The following SSBP2 variants were observed in gnomAD, a reference collection of about 807,000 sequenced individuals.
SSBP2 encodes the protein single-stranded DNA-binding protein 2.
A neutral mutation model predicts 61.8 loss-of-function variants in SSBP2; 17 were observed. The ratio of observed to expected loss-of-function variants is 0.28; its 90% CI spans 0.19 to 0.41. The LOEUF is 0.41. Ranked by LOEUF, SSBP2 falls within the 10% of genes least tolerant of loss-of-function variation. The pLI is 1.00. For synonymous variants in SSBP2, 139 were observed against 141.3 expected (o/e 0.98, Z 0.12); for missense variants, 310 against 458.7 (o/e 0.68, Z 2.96).
intron 3 of SSBP2, among the ~76,000 whole-genome samples, chr5:81,625,578 A>C (rs757977529): frequency 6.6e-5 from 10 of 152,208 alleles, no homozygotes; most frequent in Non-Finnish European, 1.5e-4. Flanking sequence ...CAAAACTTAC[A>C]AAGTATTGAA....
At chr5:81,739,294 C>T (rs1479775545) in intron 1 of SSBP2, among the ~76,000 whole-genome samples, 1 of 151,936 alleles carries the variant, frequency 6.6e-6, no homozygotes, top group Non-Finnish European at 1.5e-5. Flanking sequence ...CTGCAGTTCA[C>T]CAACTATATC....
chr5:81,467,660 A>C (rs1028984633), intron 8 of SSBP2, among the ~76,000 whole-genome samples: 1 of 152,020 alleles, frequency 6.6e-6, no homozygotes, highest in African/African-American at 2.4e-5. Flanking sequence ...AAACATTTTA[A>C]TGTTTTAACA....
At chr5:81,679,373 T>C (rs1299631677) in intron 1 of SSBP2, among the ~76,000 whole-genome samples, 1 of 152,198 alleles carries the variant, frequency 6.6e-6, no homozygotes, top group Non-Finnish European at 1.5e-5. Context: ...AACAATGTAT[T>C]TGATTATGTA....
At chr5:81,425,030 T>G (rs1761865076) in intron 16 of SSBP2, among the ~76,000 whole-genome samples, 1 of 152,238 alleles carries the variant, frequency 6.6e-6, no homozygotes, top group Admixed American at 6.5e-5. Context: ...CATTACAGTT[T>G]GGTTCAGTTA....
chr5:81,594,918 T>C (rs1453208699), intron 4 of SSBP2, among the ~76,000 whole-genome samples: 1 of 151,720 alleles, frequency 6.6e-6, no homozygotes, highest in Non-Finnish European at 1.5e-5. Context: ...CACCCTAACA[T>C]CACAATTAAA....
intron 6 of SSBP2, among the ~76,000 whole-genome samples, chr5:81,479,561 C>T (rs781149818): frequency 4.0e-5 from 6 of 151,862 alleles, no homozygotes; most frequent in Non-Finnish European, 7.4e-5. Flanking sequence ...CCAAACTGCT[C>T]GGATTATAGG....
At chr5:81,701,580 C>T (rs1231821774) in intron 1 of SSBP2, among the ~76,000 whole-genome samples, 1 of 152,114 alleles carries the variant, frequency 6.6e-6, no homozygotes, top group East Asian at 1.9e-4. Flanking sequence ...GTACTATGTG[C>T]CAAGCACCAT....
chr5:81,603,214 C>T (rs529421518), intron 4 of SSBP2, among the ~76,000 whole-genome samples: 4 of 152,244 alleles, frequency 2.6e-5, no homozygotes, highest in South Asian at 4.1e-4. Flanking sequence ...TTTGTGAAGA[C>T]GCAAACTGCC....
chr5:81,660,199 C>T (rs1036848825), intron 1 of SSBP2, among the ~76,000 whole-genome samples: 22 of 152,144 alleles, frequency 1.4e-4, no homozygotes, highest in African/African-American at 5.3e-4. Flanking sequence ...AGCATCTGCA[C>T]AGCAAAAGAA....
chr5:81,647,735 G>T (rs1581246066), intron 2 of SSBP2, among the ~76,000 whole-genome samples: 1 of 152,048 alleles, frequency 6.6e-6, no homozygotes, highest in South Asian at 2.1e-4. Context: ...TGCAGCCAGA[G>T]AAAATGAAAT....
At chr5:81,479,250 C>T (rs1293004242) in intron 6 of SSBP2, among the ~76,000 whole-genome samples, 3 of 152,008 alleles carry the variant, frequency 2.0e-5, no homozygotes, top group African/African-American at 4.8e-5. Context: ...GTATTCCACC[C>T]GGATTCATTT....
chr5:81,428,492 A>T, intron 16 of SSBP2, 93 bp downstream of exon 16: 2 of 853,792 alleles, frequency 2.3e-6, no homozygotes, highest in Non-Finnish European at 3.8e-6. Flanking sequence ...TGAACTCTAG[A>T]TAAACAGCAG....
chr5:81,749,815 G>A (rs760580629), intron 1 of SSBP2, among the ~76,000 whole-genome samples: 5 of 152,216 alleles, frequency 3.3e-5, no homozygotes, highest in Non-Finnish European at 7.3e-5. Flanking sequence ...ATCCCGGGCC[G>A]GGAGGGGCTC....
intron 16 of SSBP2, among the ~76,000 whole-genome samples, chr5:81,422,758 G>GCAAA (rs200495774): frequency 0.034 from 5,161 of 152,240 alleles, 285 homozygotes; most frequent in African/African-American, 0.12. Flanking sequence ...GAAAAGCAAA[G>GCAAA]CAAAGCAAAA....
At chr5:81,644,881 A>C (rs1241533179) in intron 2 of SSBP2, among the ~76,000 whole-genome samples, 1 of 152,210 alleles carries the variant, frequency 6.6e-6, no homozygotes, top group African/African-American at 2.4e-5. Context: ...TTATAGAAAG[A>C]GTAACACCAA....
At chr5:81,493,227 A>T (rs927215226) in intron 5 of SSBP2, among the ~76,000 whole-genome samples, 1 of 150,482 alleles carries the variant, frequency 6.6e-6, no homozygotes, top group Non-Finnish European at 1.5e-5. Context: ...TATCAAAAAC[A>T]TATATATATT....
At chr5:81,441,526 T>C (rs1259136753) in intron 13 of SSBP2, among the ~76,000 whole-genome samples, 1 of 52,166 alleles carries the variant, frequency 1.9e-5, no homozygotes. Context: ...GTGCAGAATA[T>C]TGGCAGAATA....
chr5:81,710,130 A>G (rs1000977203), intron 1 of SSBP2, among the ~76,000 whole-genome samples: 4 of 152,072 alleles, frequency 2.6e-5, no homozygotes, highest in Admixed American at 2.6e-4. Context: ...ACTGTTGATA[A>G]AACTTCACTT....
Position 81,737,711 on chromosome 5 carries a change from C to T in SSBP2, c.62+13270G>A, listed in dbSNP as rs187564354. Among the ~76,000 whole-genome samples the T allele has an allele frequency of 6.9e-4, 104 of 151,274 alleles. 1 individual carries two copies. The Middle Eastern group carries it at 0.01, about 15-fold the overall frequency. On this transcript the variant is annotated intron_variant, in intron 1 of 16. Coordinates refer to ENST00000320672, the MANE Select transcript of SSBP2 (RefSeq NM_012446.5). ...GCTGAGGCAGGAGAATGGCATGAAC[C>T]CGGGAGACAGACCTTGCAGTGAGCC... is the stretch of plus-strand genomic sequence containing the variant.
Sources: allele counts gnomAD v4.1 joint callset (sites outside exome capture counted in the v4.1 genomes callset), GRCh38; gene constraint gnomAD v4.1.1; transcripts MANE v1.5; gene names NCBI Gene and HGNC (gene_info 2026-07-23, HGNC 2026-07-21).